The following DLGAP2 variants were observed in gnomAD, a reference collection of about 807,000 sequenced individuals.
DLGAP2 encodes disks large-associated protein 2.
In DLGAP2, 26 loss-of-function variants were observed where a neutral mutation model predicts 100.3. The ratio of observed to expected loss-of-function variants is 0.26; its 90% confidence interval spans 0.19 to 0.36. DLGAP2 has a LOEUF of 0.36. Ranked by LOEUF, DLGAP2 falls within the 10% of genes least tolerant of loss-of-function variation. The pLI is 1.00. For synonymous variants in DLGAP2, 886 were observed against 630.1 expected (o/e 1.41, Z -6.08); for missense variants, 1,858 against 1,453.2 (o/e 1.28, Z -4.53).
intron 3 of DLGAP2, among the ~76,000 whole-genome samples, chr8:1,425,382 G>T (rs1797210042): frequency 6.6e-6 from 1 of 152,288 alleles, no homozygotes; most frequent in East Asian, 1.9e-4. Context: ...GGCCAGCCAG[G>T]TACAACATTA....
chr8:1,392,782 G>A (rs959166482), intron 3 of DLGAP2, among the ~76,000 whole-genome samples: 1 of 147,088 alleles, frequency 6.8e-6, no homozygotes, highest in Admixed American at 6.8e-5. Flanking sequence ...TTCTTTCTTC[G>A]GGATAATTGC....
intron 3 of DLGAP2, among the ~76,000 whole-genome samples, chr8:1,368,201 T>C (rs904036999): frequency 5.3e-5 from 8 of 150,864 alleles, no homozygotes; most frequent in African/African-American, 1.9e-4. Flanking sequence ...TGTGTGTACG[T>C]GTGTGTCCAT....
At chr8:767,066 A>G (rs1050177018) in intron 1 of DLGAP2, among the ~76,000 whole-genome samples, 1 of 152,138 alleles carries the variant, frequency 6.6e-6, no homozygotes, top group East Asian at 1.9e-4. Flanking sequence ...TGTAACTTCT[A>G]GGAAAGGAAG....
At chr8:963,780 G>C (rs1441589526) in intron 2 of DLGAP2, among the ~76,000 whole-genome samples, 1 of 151,996 alleles carries the variant, frequency 6.6e-6, no homozygotes, top group Non-Finnish European at 1.5e-5. Context: ...ATGAACAGTA[G>C]GAATTCCATT....
At chr8:1,581,765 A>G (rs1803270917) in intron 6 of DLGAP2, among the ~76,000 whole-genome samples, 3 of 151,886 alleles carry the variant, frequency 2.0e-5, no homozygotes. Flanking sequence ...CACCACAGTC[A>G]AACTACCACA....
At chr8:823,459 G>C (rs1320709806) in intron 1 of DLGAP2, among the ~76,000 whole-genome samples, 3 of 152,038 alleles carry the variant, frequency 2.0e-5, no homozygotes, top group African/African-American at 7.2e-5. Flanking sequence ...ATTAGTTAGG[G>C]TGCTTAATTG....
At chr8:1,003,118 C>G (rs776746681) in intron 2 of DLGAP2, 1 of 152,334 alleles carries the variant, frequency 6.6e-6, no homozygotes, top group African/African-American at 2.4e-5. Flanking sequence ...CCTGAGCACT[C>G]ATGTGGACAT....
intron 1 of DLGAP2, among the ~76,000 whole-genome samples, chr8:855,940 A>C (rs551621029): frequency 6.6e-6 from 1 of 152,272 alleles, no homozygotes; most frequent in South Asian, 2.1e-4. Context: ...CCAACAGCTA[A>C]GTTCTTACTA....
At chr8:1,359,257 C>T (rs555457769) in intron 3 of DLGAP2, among the ~76,000 whole-genome samples, 4 of 152,212 alleles carry the variant, frequency 2.6e-5, no homozygotes, top group South Asian at 2.1e-4. Context: ...CCCTTCTCCT[C>T]GCTGCCCTCC....
intron 3 of DLGAP2, among the ~76,000 whole-genome samples, chr8:1,451,162 G>A (rs188860067): frequency 1.1e-3 from 160 of 152,162 alleles, no homozygotes; most frequent in Admixed American, 3.5e-3. Flanking sequence ...ATGTTCCGCC[G>A]CTGCCAGTGC....
At chr8:1,529,677 G>A (rs1182399847) in intron 4 of DLGAP2, among the ~76,000 whole-genome samples, 2 of 152,220 alleles carry the variant, frequency 1.3e-5, no homozygotes, top group Admixed American at 6.5e-5. Flanking sequence ...CTTGAACAAT[G>A]TGAAAAAATG....
At chr8:1,146,275 G>A (rs942438950) in intron 2 of DLGAP2, among the ~76,000 whole-genome samples, 6 of 152,300 alleles carry the variant, frequency 3.9e-5, no homozygotes, top group Admixed American at 3.3e-4. Context: ...CTGATATCGC[G>A]TAGCCTCTGT....
intron 3 of DLGAP2, among the ~76,000 whole-genome samples, chr8:1,436,627 A>G (rs1363370386): frequency 2.0e-5 from 3 of 152,174 alleles, no homozygotes; most frequent in Non-Finnish European, 2.9e-5. Context: ...AATGAAAAGT[A>G]TTTTTTGAAA....
At chr8:1,383,613 C>T (rs532659683) in intron 3 of DLGAP2, among the ~76,000 whole-genome samples, 13 of 152,292 alleles carry the variant, frequency 8.5e-5, no homozygotes, top group East Asian at 7.7e-4. Flanking sequence ...GCTTGATTAA[C>T]GACCAGATCC....
chr8:1,149,753 T>C (rs1351769825), intron 2 of DLGAP2, among the ~76,000 whole-genome samples: 2 of 152,220 alleles, frequency 1.3e-5, no homozygotes, highest in African/African-American at 2.4e-5. Flanking sequence ...CTTTCTTGCA[T>C]CCAGTTGTAT....
At position 932,956 on chromosome 8, in the gene DLGAP2, G is replaced by A. The variant is rs114745432; in HGVS notation, c.73+24990G>A. On this transcript the variant is annotated intron_variant, in intron 2 of 14. Transcript: ENST00000637795. ...TTTCTGTAGCTTCTTAGACTGTTTTGGGCAAAGATAAACAATATTGGAAAT... is the reference window on the plus strand; with the variant it reads ...TTTCTGTAGCTTCTTAGACTGTTTTAGGCAAAGATAAACAATATTGGAAAT... Among the ~76,000 whole-genome samples the A allele has an allele frequency of 1.4e-3, 217 of 152,206 alleles. 1 individual carries two copies. The highest frequency in any genetic ancestry group is 5.1e-3 in the African/African-American group (210 of 41,532).
chr8:884,878 C>A (rs116778115), intron 1 of DLGAP2, among the ~76,000 whole-genome samples: 2,445 of 152,260 alleles, frequency 0.016, 63 homozygotes, highest in African/African-American at 0.055. Flanking sequence ...CACCATTTTA[C>A]TGAATAGGAG....
At chr8:1,500,434 G>A (rs572618188) in intron 3 of DLGAP2, among the ~76,000 whole-genome samples, 4 of 151,960 alleles carry the variant, frequency 2.6e-5, no homozygotes, top group African/African-American at 9.7e-5. Context: ...AGAAACCAAG[G>A]CAGCCTGGAG....
intron 2 of DLGAP2, among the ~76,000 whole-genome samples, chr8:1,112,937 C>T (rs57219266): frequency 0.058 from 8,816 of 152,162 alleles, 377 homozygotes; most frequent in African/African-American, 0.12. Flanking sequence ...GCCGGTTATC[C>T]CAGCACCCTT....
Sources: gnomAD v4.1 joint callset for allele counts (sites outside exome capture counted in the v4.1 genomes callset) on GRCh38, gnomAD v4.1.1 for gene constraint, MANE v1.5 for transcripts, NCBI Gene and HGNC (gene_info 2026-07-23, HGNC 2026-07-21) for gene names.